ADORA1: variants seen among roughly 807,000 people sequenced by gnomAD.
The protein encoded by ADORA1 is adenosine receptor A1.
A neutral mutation model predicts 19.9 loss-of-function variants in ADORA1; 6 were observed. The ratio of observed to expected loss-of-function variants is 0.30; its 90% CI spans 0.17 to 0.59. ADORA1 has a LOEUF of 0.59. ADORA1 is among the 20% of genes least tolerant of loss of function. The probability of loss-of-function intolerance (pLI) is 0.87; values close to 1 mark genes in which losing one functional copy is unlikely to be tolerated. For missense variants in ADORA1, 302 were observed against 439.2 expected (o/e 0.69, Z 2.79); for synonymous variants, 194 against 188.4 (o/e 1.03, Z -0.24).
At chr1:203,137,215 G>A (rs1486453135) in intron 3 of ADORA1, among the ~76,000 whole-genome samples, 1 of 152,206 alleles carries the variant, frequency 6.6e-6, no homozygotes, top group Non-Finnish European at 1.5e-5. Context: ...TGCAGATATA[G>A]GGAGGGCATG....
chr1:203,130,964 T>A (rs1443084029), intron 3 of ADORA1, among the ~76,000 whole-genome samples: 1 of 152,190 alleles, frequency 6.6e-6, no homozygotes, highest in African/African-American at 2.4e-5. Flanking sequence ...TGCTGGGAAT[T>A]TCTAGCTGTG....
intron 3 of ADORA1, among the ~76,000 whole-genome samples, chr1:203,144,081 T>C (rs1175910939): frequency 3.4e-4 from 48 of 139,840 alleles, no homozygotes; most frequent in South Asian, 4.8e-4. Flanking sequence ...GACTACCTCT[T>C]ACACACACAC....
At chr1:203,150,871 G>A in intron 3 of ADORA1, 1 of 1,218,486 alleles carries the variant, frequency 8.2e-7, no homozygotes, top group Non-Finnish European at 1.1e-6. Flanking sequence ...TGAGCTTTAG[G>A]GGGCCCTGAC....
intron 3 of ADORA1, among the ~76,000 whole-genome samples, chr1:203,135,560 A>G (rs1654478676): frequency 6.6e-6 from 1 of 151,982 alleles, no homozygotes; most frequent in Non-Finnish European, 1.5e-5. Flanking sequence ...TGAGAGGCTG[A>G]GGCAGGAGAA....
intron 3 of ADORA1, among the ~76,000 whole-genome samples, chr1:203,147,185 T>C (rs995505628): frequency 1.3e-5 from 2 of 152,192 alleles, no homozygotes; most frequent in Non-Finnish European, 1.5e-5. Flanking sequence ...AGCTGGGGTG[T>C]GCATTGGGTA....
At chr1:203,157,583 T>G (rs938543989) in intron 3 of ADORA1, among the ~76,000 whole-genome samples, 3 of 152,220 alleles carry the variant, frequency 2.0e-5, no homozygotes, top group Admixed American at 6.5e-5. Context: ...ATTGCCCTGG[T>G]GAGGGATCTC....
chr1:203,128,637 G>A lies in ADORA1; in HGVS notation c.-57-148G>A. On this transcript the variant is annotated intron_variant, in intron 2 of 3. Transcript: ENST00000337894. This position sits in a 1 kb window ranked among gnomAD's most constrained non-coding sequence, Gnocchi z 5.9. ...AAAGGGAAGGGACAAAGATTAGGCA[G>A]AGAAGGGTCCGGGTGCCCCTCCAGC... 1.9e-6 allele frequency: 2 copies of A among 1,029,720 alleles called. No homozygotes were observed. The highest frequency in any genetic ancestry group is 1.7e-5 in the South Asian group (1 of 59,322). 63.8% of individuals were successfully genotyped at this position (1,029,720 alleles called of 1,614,324 possible).
intron 3 of ADORA1, among the ~76,000 whole-genome samples, chr1:203,162,241 C>T (rs1419769137): frequency 6.6e-6 from 1 of 152,192 alleles, no homozygotes; most frequent in Non-Finnish European, 1.5e-5. Context: ...CCAGCCCTTT[C>T]CCACCAGGGA....
intron 3 of ADORA1, chr1:203,152,812 G>A (rs1274695832): frequency 1.3e-5 from 2 of 152,244 alleles, no homozygotes; most frequent in East Asian, 3.8e-4. Context: ...TGGGTGCTGT[G>A]CTTGACTTTG....
At chr1:203,141,176 C>CCCCAGGGCTGGT (rs1654674246) in intron 3 of ADORA1, among the ~76,000 whole-genome samples, 3 of 79,840 alleles carry the variant, frequency 3.8e-5, no homozygotes, top group Admixed American at 3.4e-4. Context: ...CCAGGGCTGG[C>CCCCAGGGCTGGT]ATGGGGGCAC....
At position 203,165,744 on chromosome 1, in the gene ADORA1, C is replaced by T; in HGVS notation, c.825C>T (p.Phe275=). 1 of 1,613,864 alleles carries T rather than the reference C, an allele frequency of 6.2e-7. No individual in the cohort carries two copies. Among genetic ancestry groups the T allele is most frequent in the South Asian group, 1.1e-5 (1 of 91,040 alleles). The change falls in exon 4 of 4, where the codon TTC becomes TTT. Residue 275 remains phenylalanine (F), a synonymous_variant. Coordinates refer to ENST00000337894, the MANE Select transcript of ADORA1 (RefSeq NM_000674.3). The surrounding 1 kb of genome is among the most constrained non-coding windows in gnomAD (Gnocchi z 5.9). The part of the protein sequence containing the change: ...KPSILTYIAI[F]LTHGNSAMNP... ...GCATCCTTACCTACATTGCCATCTT[C>T]CTCACGCACGGCAACTCGGCCATGA...
intron 3 of ADORA1, among the ~76,000 whole-genome samples, chr1:203,133,131 T>G (rs1324863493): frequency 6.6e-6 from 1 of 151,706 alleles, no homozygotes; most frequent in Non-Finnish European, 1.5e-5. Context: ...TTTTTTTTTT[T>G]GAGATGGAGT....
intron 3 of ADORA1, among the ~76,000 whole-genome samples, chr1:203,130,787 C>T (rs894649377): frequency 1.3e-5 from 2 of 152,216 alleles, no homozygotes; most frequent in Admixed American, 1.3e-4. Flanking sequence ...ACAGAATGCA[C>T]CCTACTTGCC....
chr1:203,140,474 C>G (rs1000995174), intron 3 of ADORA1, among the ~76,000 whole-genome samples: 3 of 152,184 alleles, frequency 2.0e-5, no homozygotes, highest in South Asian at 4.1e-4. Context: ...AATTGGAGGA[C>G]GATTCAGATC....
chr1:203,166,310 G>A lies in ADORA1; in HGVS notation c.*410G>A, dbSNP rs1224731110. 5.9e-6 allele frequency: 1 copy of A among 168,836 alleles called. No individual in the cohort carries two copies. 10.5% of individuals were successfully genotyped at this position (168,836 alleles called of 1,614,324 possible). A position where few individuals can be genotyped will look rare whatever the true frequency, so the allele number is the denominator to read the frequency against. ...GCAGGGGAGTCTGCTTGTCTTAGAT[G>A]TTGGTGGTGCAGCCCCAGGACCAAG... On this transcript the variant is annotated 3_prime_UTR_variant, in exon 4 of 4. Coordinates refer to ENST00000337894, the MANE Select transcript of ADORA1 (RefSeq NM_000674.3).
chr1:203,131,743 T>G (rs1654345291), intron 3 of ADORA1, among the ~76,000 whole-genome samples: 1 of 152,224 alleles, frequency 6.6e-6, no homozygotes, highest in African/African-American at 2.4e-5. Flanking sequence ...TGGGCCATTC[T>G]GGGCTCCTGC....
intron 3 of ADORA1, among the ~76,000 whole-genome samples, chr1:203,164,386 A>C (rs980378451): frequency 6.6e-6 from 1 of 152,262 alleles, no homozygotes; most frequent in East Asian, 1.9e-4. Flanking sequence ...TAGCACAGAA[A>C]GCACTCGACA....
chr1:203,155,697 T>G (rs1655179027), intron 3 of ADORA1, among the ~76,000 whole-genome samples: 1 of 152,226 alleles, frequency 6.6e-6, no homozygotes. Context: ...TCCAAGCCAC[T>G]ATGGACATGT....
At chr1:203,133,834 A>G (rs1654419702) in intron 3 of ADORA1, among the ~76,000 whole-genome samples, 1 of 152,210 alleles carries the variant, frequency 6.6e-6, no homozygotes. Flanking sequence ...GTGGGGAAAG[A>G]AATCTGGTAA....
Sources: gnomAD v4.1 joint callset for allele counts (sites outside exome capture counted in the v4.1 genomes callset) on GRCh38, gnomAD v4.1.1 for gene constraint, Gnocchi (gnomAD v3.1) non-coding constraint, MANE v1.5 for transcripts, NCBI Gene and HGNC (gene_info 2026-07-23, HGNC 2026-07-21) for gene names.